Variants in NET1 observed in about 807,000 individuals in gnomAD.
The protein encoded by NET1 is neuroepithelial cell transforming 1, also known as neuroepithelial cell-transforming gene 1 protein.
In NET1, 42 loss-of-function variants were observed where a neutral mutation model predicts 61.1. That is an observed-to-expected ratio of 0.69 (90% CI 0.54 to 0.89). The LOEUF is 0.89. Ranked by LOEUF, NET1 falls within the 40% of genes least tolerant of loss-of-function variation. NET1 has a pLI of 0.00. For missense variants in NET1, 654 were observed against 747.3 expected, an observed-to-expected ratio of 0.88 and a Z score of 1.46; for synonymous variants, 254 against 281.8, an observed-to-expected ratio of 0.90 and a Z score of 0.99.
In NET1 at chr10:5,437,705, G is replaced by C. The variant is rs760914554; in HGVS notation, c.255+8476G>C. Among the ~76,000 whole-genome samples the C allele has an allele frequency of 8.0e-5, 12 of 150,922 alleles. No individual in the cohort carries two copies. The highest frequency in any genetic ancestry group is 1.6e-4 in the Non-Finnish European group (11 of 67,876). On this transcript the variant is annotated intron_variant, in intron 3 of 11. Coordinates refer to ENST00000355029, the MANE Select transcript of NET1 (RefSeq NM_001047160.3). This position sits in a 1 kb window ranked among gnomAD's most constrained non-coding sequence, Gnocchi z 4.3. ...AACCAACTATTGGGATAGATAACCT[G>C]ACAGGAAATCAATAAGGAAGTAGAA...
At position 5,452,454 on chromosome 10, in the gene NET1, G is replaced by A; in HGVS notation, c.460G>A (p.Ala154Thr). 1 of 1,614,180 alleles carries A rather than the reference G, an allele frequency of 6.2e-7. No homozygotes were observed. The highest frequency in any genetic ancestry group is 8.5e-7 in the Non-Finnish European group (1 of 1,180,028). Residue 154 changes from alanine to threonine, a missense_variant, in exon 5 of 12, where the codon GCA becomes ACA. Ala to Thr is a moderately conservative substitution (Grantham distance 58). Transcript: ENST00000355029. This position sits in a 1 kb window ranked among gnomAD's most constrained non-coding sequence, Gnocchi z 4.0. ...AACACCCGCCAAGAGAAGGAGCAGT[G>A]CACTGTGGTCAGAGATGCTGGACAT... ...VPTPAKRRSS[A>T]LWSEMLDITM...
chr10:5,414,051 G>A (rs924146979), intron 1 of NET1, among the ~76,000 whole-genome samples: 1 of 152,174 alleles, frequency 6.6e-6, no homozygotes, highest in African/African-American at 2.4e-5. Flanking sequence ...GAGAGCAGAT[G>A]TAAATGGATG....
At chr10:5,419,759 C>G (rs1324671181) in intron 1 of NET1, among the ~76,000 whole-genome samples, 1 of 151,738 alleles carries the variant, frequency 6.6e-6, no homozygotes, top group Non-Finnish European at 1.5e-5. Context: ...CTTTGTTTCT[C>G]CTTCATTCTC....
intron 1 of NET1, among the ~76,000 whole-genome samples, chr10:5,419,272 T>C (rs146542351): frequency 4.4e-4 from 67 of 152,234 alleles, no homozygotes; most frequent in African/African-American, 1.5e-3. Context: ...GAAACTAAAG[T>C]GTGTCTCCTG....
chr10:5,453,013 A>G lies in NET1; in HGVS notation c.594+93A>G. 2 of 932,840 alleles carry G rather than the reference A, an allele frequency of 2.1e-6. No homozygotes were observed. Among genetic ancestry groups the G allele is most frequent in the Non-Finnish European group, 3.4e-6 (2 of 582,088 alleles). The allele number at this position is 932,840 out of a possible 1,614,324, so 57.8% of individuals were successfully genotyped here. A position where few individuals can be genotyped will look rare whatever the true frequency, so the allele number is the denominator to read the frequency against. On this transcript the variant is annotated intron_variant, in intron 6 of 11. Transcript: ENST00000355029. This position sits in a 1 kb window ranked among gnomAD's most constrained non-coding sequence, Gnocchi z 4.9. ...AGTTTTCTTAACCTTTAGAAGTAGA[A>G]GAATAGAAAATATCTACTGGTGAAT... is the stretch of plus-strand genomic sequence containing the variant.
Position 5,435,283 on chromosome 10 carries a change from A to C in NET1, c.255+6054A>C, listed in dbSNP as rs1832409766. ...TTTTATTTTTTAAAGATACCAGGTG[A>C]TTCTCATGTATAGCTAGAGTTAAAA... On this transcript the variant is annotated intron_variant, in intron 3 of 11. Coordinates refer to ENST00000355029, the MANE Select transcript of NET1 (RefSeq NM_001047160.3). This position sits in a 1 kb window ranked among gnomAD's most constrained non-coding sequence, Gnocchi z 5.0. 6.6e-6 allele frequency among the ~76,000 whole-genome samples: 1 copy of C among 152,188 alleles called. No homozygotes were observed. Among genetic ancestry groups the C allele is most frequent in the African/African-American group, 2.4e-5 (1 of 41,450 alleles).
rs1175172609 is a variant in NET1 at position 5,420,525 on chromosome 10, A to C, written c.129-6130A>C. Among the ~76,000 whole-genome samples, 3 of 152,208 alleles carry C rather than the reference A, an allele frequency of 2.0e-5. No individual in the cohort carries two copies. The highest frequency in any genetic ancestry group is 7.2e-5 in the African/African-American group (3 of 41,450). On this transcript the variant is annotated intron_variant, in intron 1 of 11. Coordinates refer to ENST00000355029, the MANE Select transcript of NET1 (RefSeq NM_001047160.3). The surrounding 1 kb of genome is among the most constrained non-coding windows in gnomAD (Gnocchi z 5.3). ...CTATGTAGATATTCCCTACAATATG[A>C]CAGGCCTCTTAACGTCTTTCTCCTC...
At position 5,441,864 on chromosome 10, in the gene NET1, A is replaced by G. The variant is rs1444479806; in HGVS notation, c.256-9966A>G. ...GGAACTATGGTTTTTCAAAAGTTCC[A>G]CTTTTCAATTAATACTTCCTTTTTA... On this transcript the variant is annotated intron_variant, in intron 3 of 11. Transcript: ENST00000355029. The surrounding 1 kb of genome is among the most constrained non-coding windows in gnomAD (Gnocchi z 4.6). 6.6e-6 allele frequency among the ~76,000 whole-genome samples: 1 copy of G among 152,198 alleles called. No homozygotes were observed. Among genetic ancestry groups the G allele is most frequent in the Non-Finnish European group, 1.5e-5 (1 of 68,036 alleles).
rs761690944 is a variant in NET1, at chr10:5,451,887, ATC to A, written c.318_319del (p.Pro107CysfsTer21). The A allele has an allele frequency of 8.7e-6, 14 of 1,613,948 alleles. 1 individual carries two copies. The highest frequency in any genetic ancestry group is 1.2e-5 in the Non-Finnish European group (14 of 1,179,976). On this transcript the variant is annotated frameshift_variant, in exon 4 of 12. Coordinates refer to ENST00000355029, the MANE Select transcript of NET1 (RefSeq NM_001047160.3). LOFTEE classifies it high-confidence loss of function. This position sits in a 1 kb window ranked among gnomAD's most constrained non-coding sequence, Gnocchi z 6.1. ...LARVTSLANL[I>X]SPVRNGAVRR... ...TCGTGTCACGTCCTTGGCAAATTTA[ATC>A]TCTCCTGTAAGAAATGGAGCTGTCA...
At chr10:5,430,480 T>C (rs1832331211) in intron 3 of NET1, among the ~76,000 whole-genome samples, 1 of 151,544 alleles carries the variant, frequency 6.6e-6, no homozygotes, top group South Asian at 2.1e-4. Flanking sequence ...GTTCAAGAGA[T>C]TCTCTTGCCT....
Position 5,456,096 on chromosome 10 carries a change from A to G in NET1, c.1207A>G (p.Ile403Val). Reference protein sequence around the residue: ...LRSKSGHKLYIFLFQDILVLT... With the variant: ...LRSKSGHKLYVFLFQDILVLT... ...TTTCCCATTTCTCCAGAAACTTTAC[A>G]TTTTCCTGTTTCAAGACATCTTGGT... The change falls in exon 11 of 12, where the codon ATT becomes GTT. Residue 403 changes from isoleucine to valine, a missense_variant. Physicochemically the swap from Ile to Val is conservative, Grantham distance 29. Transcript: ENST00000355029. The surrounding 1 kb of genome is among the most constrained non-coding windows in gnomAD (Gnocchi z 7.0). 6.2e-7 allele frequency: 1 copy of G among 1,610,044 alleles called. No homozygotes were observed. Among genetic ancestry groups the G allele is most frequent in the African/African-American group, 1.3e-5 (1 of 74,848 alleles).
rs1399253782 is a variant in NET1 at position 5,451,529 on chromosome 10, T to C, written c.256-301T>C. On this transcript the variant is annotated intron_variant, in intron 3 of 11. Transcript: ENST00000355029. This position sits in a 1 kb window ranked among gnomAD's most constrained non-coding sequence, Gnocchi z 6.1. ...TTTTTTTTAAAAAAAAAAAAAGTTATTCCCTGCATTAAACTGAAAAGTTCA... is the reference window on the plus strand; with the variant it reads ...TTTTTTTTAAAAAAAAAAAAAGTTACTCCCTGCATTAAACTGAAAAGTTCA... Among the ~76,000 whole-genome samples, 1 of 151,572 alleles carries C rather than the reference T, an allele frequency of 6.6e-6. No homozygotes were observed. Among genetic ancestry groups the C allele is most frequent in the Non-Finnish European group, 1.5e-5 (1 of 67,926 alleles).
Position 5,451,707 on chromosome 10 carries a change from T to A in NET1, c.256-123T>A. The A allele has an allele frequency of 1.6e-6, 1 of 620,998 alleles. No homozygotes were observed. The highest frequency in any genetic ancestry group is 2.7e-6 in the Non-Finnish European group (1 of 367,580). The allele number at this position is 620,998 out of a possible 1,614,324, so 38.5% of individuals were successfully genotyped here. A position where few individuals can be genotyped will look rare whatever the true frequency, so the allele number is the denominator to read the frequency against. On this transcript the variant is annotated intron_variant, in intron 3 of 11. Transcript: ENST00000355029. This position sits in a 1 kb window ranked among gnomAD's most constrained non-coding sequence, Gnocchi z 6.1. ...TTGACAATGAAGAACAACTCTTACT[T>A]TCATGTTTCTGTATTTTATAATGTA...
chr10:5,428,234 G>T (rs1832291703), intron 2 of NET1, among the ~76,000 whole-genome samples: 1 of 152,092 alleles, frequency 6.6e-6, no homozygotes, highest in South Asian at 2.1e-4. Flanking sequence ...GTGGGAAAAT[G>T]AAGTGTTACC....
rs1475434998 is a variant in NET1 at position 5,453,507 on chromosome 10, G to A, written c.715G>A (p.Ala239Thr). 2 of 1,614,048 alleles carry A rather than the reference G, an allele frequency of 1.2e-6. No homozygotes were observed. Among genetic ancestry groups the A allele is most frequent in the Middle Eastern group, 1.6e-4 (1 of 6,084 alleles). ...HEDLLTRIGEATKPDGTVEQI... is the reference protein window; with the variant it reads ...HEDLLTRIGETTKPDGTVEQI... Reference sequence around the variant, plus strand: ...AGATTTGTTGACAAGAATAGGAGAAGCAACCAAGCCTGATGGAACAGTGGA... The same window carrying A: ...AGATTTGTTGACAAGAATAGGAGAAACAACCAAGCCTGATGGAACAGTGGA... Residue 239 changes from alanine to threonine, a missense_variant, in exon 8 of 12, where the codon GCA (alanine) becomes ACA (threonine). By Grantham distance (58) the Ala-to-Thr change is moderately conservative. Coordinates refer to ENST00000355029, the MANE Select transcript of NET1 (RefSeq NM_001047160.3). The surrounding 1 kb of genome is among the most constrained non-coding windows in gnomAD (Gnocchi z 4.9).
Position 5,412,566 on chromosome 10 carries a change from G to T in NET1, c.-127G>T. Reference sequence around the variant, plus strand: ...CTCAGCCGCCATTTTCAAATCCCCGGATGACGGCGGTGGCGGCTGCAGTCC... The same window carrying T: ...CTCAGCCGCCATTTTCAAATCCCCGTATGACGGCGGTGGCGGCTGCAGTCC... On this transcript the variant is annotated 5_prime_UTR_variant, in exon 1 of 12. Coordinates refer to ENST00000355029, the MANE Select transcript of NET1 (RefSeq NM_001047160.3). The surrounding 1 kb of genome is among the most constrained non-coding windows in gnomAD (Gnocchi z 6.5). The T allele has an allele frequency of 9.7e-7, 1 of 1,030,980 alleles. No homozygotes were observed. Among genetic ancestry groups the T allele is most frequent in the Non-Finnish European group, 1.3e-6 (1 of 757,410 alleles). The allele number at this position is 1,030,980 out of a possible 1,614,324, so 63.9% of individuals were successfully genotyped here.
rs1832579861 is a variant in NET1, at chr10:5,444,798, C to T, written c.256-7032C>T. Among the ~76,000 whole-genome samples, 1 of 152,138 alleles carries T rather than the reference C, an allele frequency of 6.6e-6. No homozygotes were observed. The highest frequency in any genetic ancestry group is 6.5e-5 in the Admixed American group (1 of 15,276). On this transcript the variant is annotated intron_variant, in intron 3 of 11. Transcript: ENST00000355029. The surrounding 1 kb of genome is among the most constrained non-coding windows in gnomAD (Gnocchi z 5.3). ...CTCCAGCCTCTTTCAGGTTTTTGTC[C>T]AACATTTCCAACTACCAGCAGAATA...
chr10:5,429,478 A>G (rs1368518958), intron 3 of NET1, among the ~76,000 whole-genome samples: 1 of 152,222 alleles, frequency 6.6e-6, no homozygotes, highest in Admixed American at 6.5e-5. Context: ...ACAAACACAA[A>G]TGCTAAGGAG....
chr10:5,452,558 A>G lies in NET1; in HGVS notation c.531+33A>G. 6.4e-7 allele frequency: 1 copy of G among 1,569,382 alleles called. No homozygotes were observed. Among genetic ancestry groups the G allele is most frequent in the Non-Finnish European group, 8.6e-7 (1 of 1,156,328 alleles). ...GGCACTCAGTGTACATGTTTTCCCAAAAGAACAGCAAATTGATGCCGATGG... is the reference window on the plus strand; with the variant it reads ...GGCACTCAGTGTACATGTTTTCCCAGAAGAACAGCAAATTGATGCCGATGG... On this transcript the variant is annotated intron_variant, in intron 5 of 11. Coordinates refer to ENST00000355029, the MANE Select transcript of NET1 (RefSeq NM_001047160.3). This position sits in a 1 kb window ranked among gnomAD's most constrained non-coding sequence, Gnocchi z 4.0.
Sources: gnomAD v4.1 joint callset for allele counts (sites outside exome capture counted in the v4.1 genomes callset) on GRCh38, gnomAD v4.1.1 for gene constraint, Gnocchi (gnomAD v3.1) non-coding constraint, MANE v1.5 for transcripts, NCBI Gene and HGNC (gene_info 2026-07-23, HGNC 2026-07-21) for gene names.